The following FFAR1 variants were observed in gnomAD, a reference collection of about 807,000 sequenced individuals.
FFAR1 encodes G-protein coupled receptor 40.
For synonymous variants in FFAR1, 216 were observed against 201.5 expected (o/e 1.07, Z -0.61); for missense variants, 424 against 396.2 (o/e 1.07, Z -0.60).
At chr19:35,353,454 C>T (rs1229227847) in exon 1 of FFAR1, 1 of 152,142 alleles carries the variant, frequency 6.6e-6, no homozygotes, top group African/African-American at 2.4e-5. Flanking sequence ...CACTGCACTC[C>T]AGCCTGGGTG....
exon 1 of FFAR1, chr19:35,352,505 C>G: frequency 1.3e-6 from 2 of 1,524,276 alleles, no homozygotes; most frequent in Middle Eastern, 2.2e-4. Context: ...GGCTGCTTCT[C>G]CAGGCCCCTG....
exon 1 of FFAR1, chr19:35,352,627 C>T: frequency 1.4e-6 from 1 of 691,286 alleles, no homozygotes. Flanking sequence ...AAGAGAGGAG[C>T]ACCGAGCCAG....
chr19:35,351,406 C>G (rs1392639319), upstream of FFAR1: 5 of 713,942 alleles, frequency 7.0e-6, no homozygotes, highest in African/African-American at 5.3e-5. Flanking sequence ...CGTTTCCTCC[C>G]TGATCCCACC....
chr19:35,348,656 C>T (rs529936653), upstream of FFAR1, among the ~76,000 whole-genome samples: 3 of 152,274 alleles, frequency 2.0e-5, no homozygotes, highest in Admixed American at 6.5e-5. Context: ...GGTGTCTGTG[C>T]CCAAAATGGG....
chr19:35,352,169 C>T (rs746431371), exon 1 of FFAR1: 4 of 1,608,850 alleles, frequency 2.5e-6, no homozygotes, highest in Non-Finnish European at 3.4e-6. Context: ...TGGGCTGCCT[C>T]CGGGCACTGG....
exon 1 of FFAR1, chr19:35,351,650 C>A: frequency 1.3e-6 from 2 of 1,548,878 alleles, no homozygotes; most frequent in Non-Finnish European, 1.7e-6. Flanking sequence ...CGACGGCCCA[C>A]GCCCGGCTCC....
upstream of FFAR1, among the ~76,000 whole-genome samples, chr19:35,350,599 C>G (rs1210096157): frequency 1.3e-5 from 2 of 152,164 alleles, no homozygotes; most frequent in African/African-American, 4.8e-5. Flanking sequence ...CCAGACAGGA[C>G]CCCAATTCCT....
At chr19:35,352,482 G>C in exon 1 of FFAR1, 1 of 1,541,300 alleles carries the variant, frequency 6.5e-7, no homozygotes, top group South Asian at 1.2e-5. Flanking sequence ...AGGAGCATGG[G>C]GCAGGAGGGC....
At chr19:35,352,396 G>T (rs756203531) in exon 1 of FFAR1, 2 of 1,554,470 alleles carry the variant, frequency 1.3e-6, no homozygotes, top group South Asian at 2.4e-5. Flanking sequence ...TTGGGAAGGG[G>T]TCCTGGCCTG....
At chr19:35,352,380 G>A (rs2066949637) in exon 1 of FFAR1, 3 of 1,553,500 alleles carry the variant, frequency 1.9e-6, no homozygotes, top group Admixed American at 2.0e-5. Context: ...GCTGGTGACC[G>A]GTTACTTGGG....
At chr19:35,351,608 C>A (rs1273236950) in exon 1 of FFAR1, 3 of 1,541,832 alleles carry the variant, frequency 1.9e-6, no homozygotes, top group Non-Finnish European at 2.6e-6. Context: ...TTGCGCTGGG[C>A]TTCCCGCTCA....
In FFAR1 at chr19:35,352,825, G is replaced by A. The variant is rs2066951646; in HGVS notation, c.*371G>A. ...CTGACCCACAGGAACTGCCACTCCG[G>A]TGATGCACTTGAGGACAGCTACTCT... is the stretch of plus-strand genomic sequence containing the variant. On this transcript the variant is annotated 3_prime_UTR_variant, in exon 1 of 1. Transcript: ENST00000246553. 1.8e-5 allele frequency: 6 copies of A among 326,754 alleles called. No individual in the cohort carries two copies. In the South Asian group the frequency reaches 1.9e-4, roughly 10 times the overall value. 20.2% of individuals were successfully genotyped at this position (326,754 alleles called of 1,614,324 possible). A position where few individuals can be genotyped will look rare whatever the true frequency, so the allele number is the denominator to read the frequency against.
chr19:35,352,017 A>T lies in FFAR1; in HGVS notation c.466A>T (p.Thr156Ser), dbSNP rs774488127. The T allele has an allele frequency of 2.5e-5, 40 of 1,612,284 alleles. No homozygotes were observed. The highest frequency in any genetic ancestry group is 3.1e-5 in the Non-Finnish European group (37 of 1,179,718). Residue 156 changes from threonine to serine, a missense_variant, in exon 1 of 1, where the codon ACC becomes TCC. By Grantham distance (58) the Thr-to-Ser change is moderately conservative. Transcript: ENST00000246553. ...AGGAGGCTGGCTGGACCACAGCAAC[A>T]CCTCCCTGGGCATCAACACACCGGT...
exon 1 of FFAR1, chr19:35,352,596 G>A: frequency 1.2e-6 from 1 of 849,020 alleles, no homozygotes; most frequent in Non-Finnish European, 1.8e-6. Context: ...AGCGGCGCCT[G>A]CTGAGGGCAG....
At chr19:35,349,746 C>T (rs562649451), upstream of FFAR1, among the ~76,000 whole-genome samples, 11 of 152,194 alleles carry the variant, frequency 7.2e-5, no homozygotes, top group South Asian at 4.1e-4. Flanking sequence ...GACCCATACA[C>T]GCCTGAGAAA....
upstream of FFAR1, among the ~76,000 whole-genome samples, chr19:35,351,247 G>A (rs972634591): frequency 1.3e-5 from 2 of 152,154 alleles, no homozygotes; most frequent in African/African-American, 2.4e-5. Flanking sequence ...GGACCTGTGC[G>A]CCACATCCTA....
upstream of FFAR1, chr19:35,351,469 G>A (rs1019708893): frequency 3.2e-6 from 4 of 1,241,796 alleles, no homozygotes; most frequent in South Asian, 1.3e-5. Flanking sequence ...GATCCCAGGA[G>A]CCCCTCCTCT....
chr19:35,347,992 C>A (rs1360949222), upstream of FFAR1, among the ~76,000 whole-genome samples: 2 of 152,246 alleles, frequency 1.3e-5, no homozygotes, highest in African/African-American at 4.8e-5. Context: ...CAGCTCCCCT[C>A]TCCGCTTCTC....
exon 1 of FFAR1, chr19:35,352,304 C>T: frequency 6.4e-7 from 1 of 1,552,452 alleles, no homozygotes; most frequent in South Asian, 1.2e-5. Context: ...TCCTGTACCC[C>T]AATCTAGGAG....
Sources: allele counts gnomAD v4.1 joint callset (sites outside exome capture counted in the v4.1 genomes callset), GRCh38; gene constraint gnomAD v4.1.1; transcripts MANE v1.5; gene names NCBI Gene and HGNC (gene_info 2026-07-23, HGNC 2026-07-21).